The following LIMD1 variants were observed in gnomAD, a reference collection of about 807,000 sequenced individuals.
LIMD1 encodes LIM domain containing 1, also known as LIM domain-containing protein 1.
In LIMD1, 23 loss-of-function variants were observed where a neutral mutation model predicts 58.4. That is an observed-to-expected ratio of 0.39 (90% CI 0.28 to 0.56). The LOEUF is 0.56. LIMD1 is among the 20% of genes least tolerant of loss of function. The pLI is 0.57. For synonymous variants in LIMD1, 334 were observed against 345.5 expected (o/e 0.97, Z 0.37); for missense variants, 838 against 855.5 (o/e 0.98, Z 0.25).
chr3:45,619,518 G>C (rs1701609810), intron 1 of LIMD1, among the ~76,000 whole-genome samples: 1 of 152,160 alleles, frequency 6.6e-6, no homozygotes, highest in South Asian at 2.1e-4. Flanking sequence ...ACGTTTTAAG[G>C]CTGGGCATGG....
intron 1 of LIMD1, among the ~76,000 whole-genome samples, chr3:45,604,281 A>T (rs1379610347): frequency 1.3e-5 from 2 of 152,058 alleles, no homozygotes; most frequent in African/African-American, 4.8e-5. Flanking sequence ...CAAGGACTGG[A>T]TACCGTCTCG....
Position 45,595,252 on chromosome 3 carries a change from C to T in LIMD1, c.373C>T (p.Pro125Ser). ...AGTCACCACCCTCGCTGCTGGGCAG[C>T]CCCCGTACCCACCGCAGGAGCAGAG... Reference protein sequence around the residue: ...GAVTTLAAGQPPYPPQEQRSR... With the variant: ...GAVTTLAAGQSPYPPQEQRSR... Residue 125 changes from proline to serine, a missense_variant, in exon 1 of 8, where the codon CCC becomes TCC. Around this residue, in one of 3 missense-constraint regions of LIMD1, gnomAD observed 659 missense variants for 639.8 expected, o/e 1.03. Transcript: ENST00000273317. 1 of 1,609,530 alleles carries T rather than the reference C, an allele frequency of 6.2e-7. No individual in the cohort carries two copies. Among genetic ancestry groups the T allele is most frequent in the Non-Finnish European group, 8.5e-7 (1 of 1,178,770 alleles).
At chr3:45,608,924 G>A (rs145460637) in intron 1 of LIMD1, among the ~76,000 whole-genome samples, 25 of 151,054 alleles carry the variant, frequency 1.7e-4, no homozygotes, top group African/African-American at 5.6e-4. Context: ...GAAACCGAAA[G>A]ACCTGGTCTG....
rs1282281057 is a variant in LIMD1, at chr3:45,595,954, G to C, written c.1075G>C (p.Gly359Arg). Residue 359 changes from glycine (G) to arginine (R), a missense_variant, in exon 1 of 8, where the codon GGT becomes CGT. Transcript: ENST00000273317. ...APSSSPAGLDGSQQGAVPGLG... is the reference protein window; with the variant it reads ...APSSSPAGLDRSQQGAVPGLG... ...GTCATCCTCGCCAGCTGGTCTGGAC[G>C]GTTCACAGCAGGGTGCGGTCCCTGG... 1 of 1,614,216 alleles carries C rather than the reference G, an allele frequency of 6.2e-7. No individual in the cohort carries two copies.
chr3:45,619,811 A>C, intron 1 of LIMD1, among the ~76,000 whole-genome samples: 1 of 144,054 alleles, frequency 6.9e-6, no homozygotes, highest in East Asian at 2.1e-4. Context: ...AAAATTAATA[A>C]TAATAACCAA....
chr3:45,684,524 A>G lies in LIMD1; in HGVS notation c.*7465A>G, dbSNP rs1697785298. On this transcript the variant is annotated 3_prime_UTR_variant, in exon 8 of 8. Transcript: ENST00000273317. ...GGAGCAGAAAGTTTAACAGGCAGAA[A>G]AAAGAGAACAGCTCCCCCATGCAGA... 6.6e-6 allele frequency: 1 copy of G among 152,240 alleles called. No individual in the cohort carries two copies. The highest frequency in any genetic ancestry group is 6.5e-5 in the Admixed American group (1 of 15,280). The allele number at this position is 152,240 out of a possible 1,614,324, so 9.4% of individuals were successfully genotyped here.
Position 45,594,932 on chromosome 3 carries a change from T to C in LIMD1, c.53T>C (p.Leu18Pro). 2 of 1,613,076 alleles carry C rather than the reference T, an allele frequency of 1.2e-6. No individual in the cohort carries two copies. The highest frequency in any genetic ancestry group is 4.5e-5 in the East Asian group (2 of 44,854). Residue 18 changes from leucine to proline, a missense_variant, in exon 1 of 8, where the codon CTG becomes CCG. Leu to Pro is a moderately conservative substitution (Grantham distance 98). Transcript: ENST00000273317. ...GAGGCCAGTAAATTCATCGAGGACC[T>C]GAACATGTATGAGGCCTCTAAGGAT... ...GLEASKFIED[L>P]NMYEASKDGL...
At chr3:45,662,722 C>T (rs1325972786) in intron 2 of LIMD1, among the ~76,000 whole-genome samples, 2 of 152,090 alleles carry the variant, frequency 1.3e-5, no homozygotes, top group Non-Finnish European at 2.9e-5. Flanking sequence ...TGTGGCCGGG[C>T]ATGGTGGCTC....
At chr3:45,635,114 T>G (rs893960092) in intron 1 of LIMD1, 1 of 152,498 alleles carries the variant, frequency 6.6e-6, no homozygotes, top group African/African-American at 2.4e-5. Context: ...TGTGCATTCC[T>G]GTAGTCCCAG....
At chr3:45,657,163 G>A (rs1697344241) in intron 2 of LIMD1, among the ~76,000 whole-genome samples, 2 of 152,230 alleles carry the variant, frequency 1.3e-5, no homozygotes, top group Admixed American at 1.3e-4. Context: ...GTTGCTTGCT[G>A]TTTCCTACCT....
At chr3:45,601,350 C>T (rs763112678) in intron 1 of LIMD1, among the ~76,000 whole-genome samples, 3 of 152,212 alleles carry the variant, frequency 2.0e-5, no homozygotes, top group African/African-American at 4.8e-5. Context: ...CAGCTGTTGG[C>T]TGTGGGCTGC....
At chr3:45,630,632 CTG>C (rs1467892527) in intron 1 of LIMD1, among the ~76,000 whole-genome samples, 2 of 151,240 alleles carry the variant, frequency 1.3e-5, no homozygotes, top group Non-Finnish European at 2.9e-5. Context: ...TAGTAGGAGA[CTG>C]GGGGCAGGGC....
In LIMD1 at chr3:45,667,407, G is replaced by A. The variant is rs190246762; in HGVS notation, c.1579-887G>A. 3.9e-5 allele frequency among the ~76,000 whole-genome samples: 6 copies of A among 152,246 alleles called. No homozygotes were observed. The East Asian group carries it at 9.6e-4, about 24-fold the overall frequency. On this transcript the variant is annotated intron_variant, in intron 3 of 7. Coordinates refer to ENST00000273317, the MANE Select transcript of LIMD1 (RefSeq NM_014240.3). ...AGAGCTATTACCCCCAGAATGGGGC[G>A]TAGGTGCCAGACAACAGAAACCTCC...
At chr3:45,673,032 GA>G (rs111398686) in intron 5 of LIMD1, among the ~76,000 whole-genome samples, 274 of 141,266 alleles carry the variant, frequency 1.9e-3, no homozygotes, top group African/African-American at 5.7e-3. Context: ...CATGTTTAGT[GA>G]AAAAAAAAAA....
intron 1 of LIMD1, among the ~76,000 whole-genome samples, chr3:45,600,344 T>C (rs891728925): frequency 9.2e-5 from 14 of 152,212 alleles, no homozygotes; most frequent in African/African-American, 3.4e-4. Context: ...TGTGAATCCC[T>C]GTTGCCACCT....
intron 2 of LIMD1, among the ~76,000 whole-genome samples, chr3:45,652,691 C>A (rs537832799): frequency 6.6e-6 from 1 of 152,282 alleles, no homozygotes; most frequent in East Asian, 1.9e-4. Flanking sequence ...GGCACTGTTT[C>A]CAGCTTTTGT....
intron 3 of LIMD1, 31 bp downstream of exon 3, chr3:45,665,748 T>G: frequency 6.2e-7 from 1 of 1,602,490 alleles, no homozygotes; most frequent in Non-Finnish European, 8.5e-7. Context: ...TCCCCTTGCA[T>G]GTCCTGGCCA....
At position 45,683,415 on chromosome 3, in the gene LIMD1, T is replaced by A. The variant is rs2125673576; in HGVS notation, c.*6356T>A. 1 of 151,914 alleles carries A rather than the reference T, an allele frequency of 6.6e-6. No individual in the cohort carries two copies. The highest frequency in any genetic ancestry group is 2.1e-4 in the East Asian group (1 of 4,820). The allele number at this position is 151,914 out of a possible 1,614,324, so 9.4% of individuals were successfully genotyped here. ...ACCTCCCCACCCCCAGCCCCTTTTC[T>A]GCATGGCAGGTGAAAAATTGAAAGT... On this transcript the variant is annotated 3_prime_UTR_variant, in exon 8 of 8. Coordinates refer to ENST00000273317, the MANE Select transcript of LIMD1 (RefSeq NM_014240.3).
chr3:45,646,029 C>CAAAA (rs35353411), intron 2 of LIMD1, among the ~76,000 whole-genome samples: 1 of 96,848 alleles, frequency 1.0e-5, no homozygotes, highest in Non-Finnish European at 2.0e-5. Context: ...GACTCTGTCT[C>CAAAA]AAAAAAAAAA....
Sources: allele counts gnomAD v4.1 joint callset (sites outside exome capture counted in the v4.1 genomes callset), GRCh38; gene constraint gnomAD v4.1.1; regional missense constraint gnomAD v4.1.1; transcripts MANE v1.5; gene names NCBI Gene and HGNC (gene_info 2026-07-23, HGNC 2026-07-21).